Variants in PRC1 observed in about 807,000 individuals in gnomAD.
PRC1 encodes protein regulator of cytokinesis 1.
Under a neutral mutation model 91.2 loss-of-function variants are expected in PRC1, and 54 were observed. That is an observed-to-expected ratio of 0.59 (90% CI 0.48 to 0.74). The LOEUF (loss-of-function observed/expected upper bound fraction) is 0.74. PRC1 is among the 30% of genes least tolerant of loss of function. The probability of loss-of-function intolerance (pLI) is 0.00; values close to 1 mark genes in which losing one functional copy is unlikely to be tolerated. For missense variants in PRC1, 727 were observed against 746.2 expected, an observed-to-expected ratio of 0.97 and a Z score of 0.30; for synonymous variants, 275 against 263.6, an observed-to-expected ratio of 1.04 and a Z score of -0.42.
In PRC1 at chr15:90,981,010, A is replaced by G. The variant is rs751534073; in HGVS notation, c.696T>C (p.Asn232=). Residue 232 remains asparagine, a synonymous_variant, in exon 6 of 15, where the codon AAT becomes AAC. Coordinates refer to ENST00000394249, the MANE Select transcript of PRC1 (RefSeq NM_003981.4). ...TACGCAGCCCCTCACACACTGCTTC[A>G]TTTTGTGATTTCTGCATTTCCAGCT... The part of the protein sequence containing the change: ...LRQLEMQKSQ[N]EAVCEGLRTQ... 1.5e-5 allele frequency: 24 copies of G among 1,614,036 alleles called. No homozygotes were observed. The Admixed American group carries it at 4.0e-4, about 27-fold the overall frequency.
chr15:90,976,279 AGGC>A (rs2038686473), intron 9 of PRC1, among the ~76,000 whole-genome samples: 1 of 150,046 alleles, frequency 6.7e-6, no homozygotes, highest in South Asian at 2.2e-4. Context: ...AGTAGAGACC[AGGC>A]TGGTCTTGAA....
At chr15:90,967,224 C>A (rs778852112) in intron 14 of PRC1, 22 bp from the exon 15 acceptor site, 2 of 1,599,350 alleles carry the variant, frequency 1.3e-6, no homozygotes, top group East Asian at 2.2e-5. Context: ...TAAATAACAT[C>A]AGTGGCCATA....
chr15:90,981,137 T>G (rs1197555088), intron 5 of PRC1, 104 bp from the exon 6 acceptor site: 1 of 1,445,968 alleles, frequency 6.9e-7, no homozygotes, highest in African/African-American at 1.4e-5. Flanking sequence ...GGAGGCACTT[T>G]CATGAGAGTT....
chr15:90,968,035 G>C lies in PRC1; in HGVS notation c.1792-833C>G, dbSNP rs557892515. ...AAGATAAAGCATGAATGGCTATTGAGAAAGACAGATATTAGCAGAGGTTAG... is the reference window on the plus strand; with the variant it reads ...AAGATAAAGCATGAATGGCTATTGACAAAGACAGATATTAGCAGAGGTTAG... On this transcript the variant is annotated intron_variant, in intron 14 of 14. Transcript: ENST00000394249. 10 of 985,212 alleles carry C rather than the reference G, an allele frequency of 1.0e-5. No individual in the cohort carries two copies. In the African/African-American group the frequency reaches 1.6e-4, roughly 15 times the overall value. The allele number at this position is 985,212 out of a possible 1,614,324, so 61.0% of individuals were successfully genotyped here.
intron 11 of PRC1, chr15:90,973,935 G>A (rs1400964341): frequency 9.5e-6 from 5 of 528,614 alleles, no homozygotes; most frequent in African/African-American, 5.8e-5. Context: ...GCTGGTGCAG[G>A]TCCTCTGTAT....
Position 90,966,554 on chromosome 15 carries a change from A to T in PRC1, c.*577T>A, listed in dbSNP as rs1466619505. The T allele has an allele frequency of 2.2e-6, 1 of 456,114 alleles. No individual in the cohort carries two copies. The highest frequency in any genetic ancestry group is 4.4e-6 in the Non-Finnish European group (1 of 226,774). 28.3% of individuals were successfully genotyped at this position (456,114 alleles called of 1,614,324 possible). A position where few individuals can be genotyped will look rare whatever the true frequency, so the allele number is the denominator to read the frequency against. On this transcript the variant is annotated 3_prime_UTR_variant, in exon 15 of 15. Transcript: ENST00000394249. ...TGTGTAACAGAACTGAACACAATTT[A>T]ACAAAGCTGCTCCCAGCCTTCCTGT...
rs1181879090 is a variant in PRC1 at position 90,968,889 on chromosome 15, A to G, written c.1791+190T>C. On this transcript the variant is annotated intron_variant, in intron 14 of 14. Transcript: ENST00000394249. ...GGGCTGAGAATCCAATTCAAGTCTG[A>G]ACAAATTTTATTAATTAATCTGTTG... 7 of 1,405,620 alleles carry G rather than the reference A, an allele frequency of 5.0e-6. No homozygotes were observed. The African/African-American group carries it at 1.0e-4, about 20-fold the overall frequency. 87.1% of individuals were successfully genotyped at this position (1,405,620 alleles called of 1,614,324 possible).
At position 90,984,810 on chromosome 15, in the gene PRC1, C is replaced by T. The variant is rs1238185458; in HGVS notation, c.27G>A (p.Glu9=). The stretch of plus-strand genomic sequence containing the variant: ...CTTTCTGCAGACATACTATGGACTC[C>T]TCCGCCAGCACCTCACTGAAAACCA... MRRSEVLA[E]ESIVCLQKAL... is the part of the protein sequence containing the mutation. The change falls in exon 2 of 15, where the codon GAG becomes GAA. Residue 9 remains glutamate, a synonymous_variant. Transcript: ENST00000394249. The surrounding 1 kb of genome is among the most constrained non-coding windows in gnomAD (Gnocchi z 5.1). 4.6e-5 allele frequency: 74 copies of T among 1,614,070 alleles called. No homozygotes were observed. Among genetic ancestry groups the T allele is most frequent in the Non-Finnish European group, 6.2e-5 (73 of 1,180,042 alleles).
intron 13 of PRC1, 84 bp downstream of exon 13, chr15:90,969,363 G>C (rs2037845832): frequency 2.0e-6 from 3 of 1,476,142 alleles, no homozygotes; most frequent in Non-Finnish European, 2.8e-6. Flanking sequence ...CTAGCTAATA[G>C]CCTGGGTGCC....
rs886232692 is a variant in PRC1 at position 90,979,662 on chromosome 15, C to G, written c.971-368G>C. Among the ~76,000 whole-genome samples, 3 of 152,112 alleles carry G rather than the reference C, an allele frequency of 2.0e-5. No individual in the cohort carries two copies. In the East Asian group the frequency reaches 5.8e-4, roughly 29 times the overall value. ...TCTGTTGAATTTAGTTGGGGTAGCTCCATCTTTATATTCAGTGCAGTTCAG... is the reference window on the plus strand; with the variant it reads ...TCTGTTGAATTTAGTTGGGGTAGCTGCATCTTTATATTCAGTGCAGTTCAG... On this transcript the variant is annotated intron_variant, in intron 7 of 14. Transcript: ENST00000394249.
rs1555453522 is a variant in PRC1 at position 90,980,533 on chromosome 15, T to TTG, written c.823-145_823-144insCA. 6.6e-3 allele frequency: 6,479 copies of TTG among 977,310 alleles called. 83 individuals carry two copies. Among genetic ancestry groups the TTG allele is most frequent in the African/African-American group, 0.065 (3,322 of 51,458 alleles). The allele number at this position is 977,310 out of a possible 1,614,324, so 60.5% of individuals were successfully genotyped here. A position where few individuals can be genotyped will look rare whatever the true frequency, so the allele number is the denominator to read the frequency against. On this transcript the variant is annotated intron_variant, in intron 6 of 14. Transcript: ENST00000394249. ...AACACTTTTTTTTTTTTTTTTTTTT[T>TTG]TTTGAGACAGGGTCTCACTCTCTCG...
intron 5 of PRC1, 130 bp downstream of exon 5, chr15:90,981,369 C>T: frequency 9.3e-7 from 1 of 1,076,668 alleles, no homozygotes. Context: ...TCATATATTA[C>T]TATCCTTAGC....
chr15:90,994,076 G>A (rs890037208), intron 1 of PRC1, among the ~76,000 whole-genome samples: 37 of 152,168 alleles, frequency 2.4e-4, no homozygotes, highest in South Asian at 1.5e-3. Flanking sequence ...GAGCGCCAGC[G>A]CTGACCGCCT....
chr15:90,970,390 C>T lies in PRC1; in HGVS notation c.1572+14G>A, dbSNP rs754551396. ...ACGCATGTGAGGATGTGCTTAGACA[C>T]AGGGCATACTAACCTTGCTGCCAGA... On this transcript the variant is annotated intron_variant, in intron 12 of 14. Transcript: ENST00000394249. 1.3e-6 allele frequency: 2 copies of T among 1,560,558 alleles called. No homozygotes were observed. Among genetic ancestry groups the T allele is most frequent in the East Asian group, 2.2e-5 (1 of 44,624 alleles).
In PRC1 at chr15:90,966,309, A is replaced by C. The variant is rs951229132; in HGVS notation, c.*822T>G. 3.8e-6 allele frequency: 1 copy of C among 266,570 alleles called. No individual in the cohort carries two copies. Among genetic ancestry groups the C allele is most frequent in the Non-Finnish European group, 7.6e-6 (1 of 130,904 alleles). The allele number at this position is 266,570 out of a possible 1,614,324, so 16.5% of individuals were successfully genotyped here. Reference sequence around the variant, plus strand: ...GAAGCTAGAGCAGGAACACCTCCCCAGTAGTGACATGTGCAAAGTTCCAGA... The same window carrying C: ...GAAGCTAGAGCAGGAACACCTCCCCCGTAGTGACATGTGCAAAGTTCCAGA... On this transcript the variant is annotated 3_prime_UTR_variant, in exon 15 of 15. Coordinates refer to ENST00000394249, the MANE Select transcript of PRC1 (RefSeq NM_003981.4).
chr15:90,966,601 G>A lies in PRC1; in HGVS notation c.*530C>T, dbSNP rs938760228. The A allele has an allele frequency of 1.1e-5, 5 of 456,046 alleles. No homozygotes were observed. Among genetic ancestry groups the A allele is most frequent in the Admixed American group, 9.4e-5 (4 of 42,562 alleles). The allele number at this position is 456,046 out of a possible 1,614,324, so 28.2% of individuals were successfully genotyped here. ...CTGTCACCTCTTTGGCAGTAGGGCA[G>A]GCCATCTCAACTTCGGACACACAAA... is the stretch of plus-strand genomic sequence containing the variant. On this transcript the variant is annotated 3_prime_UTR_variant, in exon 15 of 15. Transcript: ENST00000394249.
chr15:90,983,836 C>T (rs1276247071), intron 3 of PRC1, 182 bp downstream of exon 3: 4 of 701,170 alleles, frequency 5.7e-6, no homozygotes, highest in Non-Finnish European at 8.7e-6. Flanking sequence ...ACCAGGGCAA[C>T]TCTCTACAGA....
Position 90,984,562 on chromosome 15 carries a change from A to G in PRC1, c.144+131T>C, listed in dbSNP as rs2039444861. The stretch of plus-strand genomic sequence containing the variant: ...TTTCAAGAAGGGACTTCAAAACCAA[A>G]CCAAACCAAACAGGAAGAGCCTGTG... On this transcript the variant is annotated intron_variant, in intron 2 of 14. Transcript: ENST00000394249. This position sits in a 1 kb window ranked among gnomAD's most constrained non-coding sequence, Gnocchi z 5.1. The G allele has an allele frequency of 1.4e-6, 2 of 1,402,590 alleles. No individual in the cohort carries two copies. Among genetic ancestry groups the G allele is most frequent in the African/African-American group, 2.9e-5 (2 of 68,950 alleles). 86.9% of individuals were successfully genotyped at this position (1,402,590 alleles called of 1,614,324 possible).
At chr15:90,987,827 C>G (rs531445547) in intron 1 of PRC1, 1 of 152,298 alleles carries the variant, frequency 6.6e-6, no homozygotes, top group Non-Finnish European at 1.5e-5. Flanking sequence ...TACAAGTCAC[C>G]AGCCTGGATC....
Sources: gnomAD v4.1 joint callset for allele counts (sites outside exome capture counted in the v4.1 genomes callset) on GRCh38, gnomAD v4.1.1 for gene constraint, Gnocchi (gnomAD v3.1) non-coding constraint, MANE v1.5 for transcripts, NCBI Gene and HGNC (gene_info 2026-07-23, HGNC 2026-07-21) for gene names.